The following CUX1 variants were observed in gnomAD, a reference collection of about 807,000 sequenced individuals.
The protein encoded by CUX1 is cut like homeobox 1, also known as protein CASP.
A neutral mutation model predicts 158.8 loss-of-function variants in CUX1; 31 were observed. The observed-to-expected ratio is 0.20, with a 90% CI of 0.15 to 0.26. The LOEUF (loss-of-function observed/expected upper bound fraction) is 0.26. CUX1 is among the 10% of genes least tolerant of loss of function. The pLI is 1.00. For missense variants in CUX1, 1,589 were observed against 2,014.6 expected, an observed-to-expected ratio of 0.79 and a Z score of 4.04; for synonymous variants, 879 against 862.1, an observed-to-expected ratio of 1.02 and a Z score of -0.34.
chr7:102,111,606 G>T (rs1314088168), intron 6 of CUX1, 92 bp from the exon 7 acceptor site: 6 of 1,173,144 alleles, frequency 5.1e-6, no homozygotes, highest in East Asian at 4.7e-5. Context: ...CCAGCTGAGC[G>T]CAGGGAGGGA....
At chr7:102,106,445 G>A (rs2131015566) in intron 6 of CUX1, among the ~76,000 whole-genome samples, 1 of 152,204 alleles carries the variant, frequency 6.6e-6, no homozygotes, top group Middle Eastern at 3.4e-3. Context: ...AGGAGGTGGG[G>A]CTTAGACACT....
At chr7:101,987,748 G>C (rs1814522641) in intron 2 of CUX1, among the ~76,000 whole-genome samples, 1 of 152,248 alleles carries the variant, frequency 6.6e-6, no homozygotes, top group Non-Finnish European at 1.5e-5. Context: ...AGGGACATCA[G>C]AGTGCTGATC....
At chr7:101,912,493 A>T (rs1803611054) in intron 1 of CUX1, among the ~76,000 whole-genome samples, 1 of 152,028 alleles carries the variant, frequency 6.6e-6, no homozygotes. Flanking sequence ...AGGATTGTAA[A>T]AATTAATAGT....
intron 1 of CUX1, among the ~76,000 whole-genome samples, chr7:101,907,289 C>A (rs1371159838): frequency 6.6e-6 from 1 of 152,078 alleles, no homozygotes; most frequent in African/African-American, 2.4e-5. Flanking sequence ...CTTTGTCAGC[C>A]CTTCAAAGCC....
chr7:102,231,093 GATCTCGGCTTACTGCA>G, intron 21 of CUX1, among the ~76,000 whole-genome samples: 1 of 145,130 alleles, frequency 6.9e-6, no homozygotes, highest in East Asian at 2.0e-4. Flanking sequence ...GCAGTGGCGC[GATCTCGGCTTACTGCA>G]ATCTCCGCCT....
At chr7:102,053,216 A>G (rs1823737947) in intron 3 of CUX1, among the ~76,000 whole-genome samples, 1 of 152,144 alleles carries the variant, frequency 6.6e-6, no homozygotes, top group Non-Finnish European at 1.5e-5. Flanking sequence ...GCATCTTTTC[A>G]TGTGCCTATT....
At chr7:101,942,747 G>A (rs914248945) in intron 2 of CUX1, among the ~76,000 whole-genome samples, 3 of 152,216 alleles carry the variant, frequency 2.0e-5, no homozygotes, top group South Asian at 2.1e-4. Context: ...GATCACAGGC[G>A]TGAGCCACCG....
intron 2 of CUX1, among the ~76,000 whole-genome samples, chr7:101,981,462 T>A (rs1813434385): frequency 6.6e-6 from 1 of 152,172 alleles, no homozygotes. Context: ...AGCCAATTGG[T>A]GGCCACAGAG....
intron 1 of CUX1, among the ~76,000 whole-genome samples, chr7:101,892,326 T>C (rs1800965187): frequency 6.6e-6 from 1 of 152,242 alleles, no homozygotes; most frequent in Admixed American, 6.5e-5. Context: ...GCATCAAGAA[T>C]CTTTTAATCT....
At chr7:102,062,392 A>G (rs115902324) in intron 3 of CUX1, among the ~76,000 whole-genome samples, 18 of 152,326 alleles carry the variant, frequency 1.2e-4, no homozygotes, top group African/African-American at 4.3e-4. Context: ...CCCCTTCCAT[A>G]TCTCAGAGAT....
intron 1 of CUX1, among the ~76,000 whole-genome samples, chr7:101,908,681 C>A (rs996093774): frequency 1.3e-5 from 2 of 152,124 alleles, no homozygotes; most frequent in African/African-American, 4.8e-5. Flanking sequence ...CCTTGTTGCA[C>A]CTGGCAGTCA....
At chr7:102,086,307 A>G (rs1458894087) in intron 4 of CUX1, among the ~76,000 whole-genome samples, 6 of 136,660 alleles carry the variant, frequency 4.4e-5, no homozygotes, top group African/African-American at 1.6e-4. Flanking sequence ...GCTACTTTCT[A>G]CTTACTTTGG....
intron 2 of CUX1, among the ~76,000 whole-genome samples, chr7:101,937,054 C>T (rs910174910): frequency 1.3e-5 from 2 of 152,154 alleles, no homozygotes; most frequent in East Asian, 3.9e-4. Context: ...CCAGTTTGGG[C>T]CCCCTCCCAT....
At chr7:102,176,382 G>T (rs1792335028) in intron 10 of CUX1, among the ~76,000 whole-genome samples, 1 of 152,034 alleles carries the variant, frequency 6.6e-6, no homozygotes, top group Non-Finnish European at 1.5e-5. Flanking sequence ...GCACTTCAGA[G>T]GGGGGACAGC....
At chr7:101,928,979 C>T (rs552864710) in intron 2 of CUX1, among the ~76,000 whole-genome samples, 53 of 151,958 alleles carry the variant, frequency 3.5e-4, no homozygotes, top group Non-Finnish European at 6.8e-4. Context: ...CACAAATGGA[C>T]TTTAAAGTTA....
At chr7:102,282,241 C>T (rs575436898) in intron 21 of CUX1, among the ~76,000 whole-genome samples, 29 of 152,150 alleles carry the variant, frequency 1.9e-4, no homozygotes, top group African/African-American at 4.8e-4. Context: ...ATGAACTCCA[C>T]CAAGGGACAG....
At chr7:101,893,693 C>T (rs1004985684) in intron 1 of CUX1, among the ~76,000 whole-genome samples, 3 of 152,148 alleles carry the variant, frequency 2.0e-5, no homozygotes, top group Admixed American at 6.5e-5. Context: ...TGCTTCTTCC[C>T]CACATTTATT....
At chr7:102,071,706 T>C (rs951715092) in intron 4 of CUX1, among the ~76,000 whole-genome samples, 1 of 152,214 alleles carries the variant, frequency 6.6e-6, no homozygotes, top group African/African-American at 2.4e-5. Flanking sequence ...CGGGCTTTGC[T>C]GTCCCCTCTT....
At chr7:102,111,652 T>C in intron 6 of CUX1, 46 bp from the exon 7 acceptor site, 1 of 1,570,298 alleles carries the variant, frequency 6.4e-7, no homozygotes, top group Non-Finnish European at 8.8e-7. Context: ...TGCATTTCAG[T>C]TGGTAAAGGA....
Sources: allele counts gnomAD v4.1 joint callset (sites outside exome capture counted in the v4.1 genomes callset), GRCh38; gene constraint gnomAD v4.1.1; transcripts MANE v1.5; gene names NCBI Gene and HGNC (gene_info 2026-07-23, HGNC 2026-07-21).